Variants in GLB1 observed in about 807,000 individuals in gnomAD.
The protein encoded by GLB1 is galactosidase beta 1, also known as beta-galactosidase.
Under a neutral mutation model 74.0 loss-of-function variants are expected in GLB1, and 56 were observed. The observed-to-expected ratio is 0.76, with a 90% CI of 0.61 to 0.94. The LOEUF (loss-of-function observed/expected upper bound fraction) is 0.94. Ranked by LOEUF, GLB1 falls within the 40% of genes least tolerant of loss-of-function variation. The pLI is 0.00. For missense variants in GLB1, 787 were observed against 845.5 expected (o/e 0.93, Z 0.86); for synonymous variants, 323 against 323.6 (o/e 1.00, Z 0.02).
chr3:33,033,311 C>G (rs1372967328), intron 10 of GLB1, among the ~76,000 whole-genome samples: 4 of 152,170 alleles, frequency 2.6e-5, no homozygotes, highest in African/African-American at 9.7e-5. Context: ...ATTTTGATTA[C>G]AATCTTAAAC....
chr3:32,992,948 A>C (rs1696248437), downstream of GLB1, among the ~76,000 whole-genome samples: 1 of 152,256 alleles, frequency 6.6e-6, no homozygotes, highest in Non-Finnish European at 1.5e-5. Flanking sequence ...GCCAAAACCC[A>C]GAAACCACCT....
At chr3:33,032,077 C>T (rs995073330) in intron 10 of GLB1, among the ~76,000 whole-genome samples, 1 of 152,128 alleles carries the variant, frequency 6.6e-6, no homozygotes, top group African/African-American at 2.4e-5. Flanking sequence ...GGATTACACA[C>T]GTGAGCCACT....
chr3:33,056,217 A>C, intron 6 of GLB1, among the ~76,000 whole-genome samples: 1 of 133,310 alleles, frequency 7.5e-6, no homozygotes, highest in Admixed American at 8.0e-5. Flanking sequence ...ACAAGAGCGA[A>C]ACTCCACCTC....
chr3:32,991,669 T>C (rs1287362447), downstream of GLB1, among the ~76,000 whole-genome samples: 1 of 152,248 alleles, frequency 6.6e-6, no homozygotes, highest in Non-Finnish European at 1.5e-5. Flanking sequence ...AGAACCCAGC[T>C]ACTGTGTTAT....
chr3:32,994,337 G>A (rs187446928), downstream of GLB1, among the ~76,000 whole-genome samples: 83 of 152,274 alleles, frequency 5.5e-4, no homozygotes, highest in East Asian at 2.1e-3. Context: ...TTGTGAGGCC[G>A]GGCACGGTGG....
intron 1 of GLB1, chr3:33,092,786 G>A (rs377398538): frequency 1.9e-4 from 289 of 1,536,112 alleles, no homozygotes; most frequent in Non-Finnish European, 2.0e-4. Context: ...AAGCAGGATG[G>A]AGGGTCGAGG....
the GLB1 span, among the ~76,000 whole-genome samples, chr3:32,965,610 G>A: frequency 6.6e-6 from 1 of 152,076 alleles, no homozygotes; most frequent in African/African-American, 2.4e-5. Context: ...AGAACTCCAA[G>A]CCTGCTGCAG....
chr3:33,037,651 A>T (rs1698333412), intron 10 of GLB1, among the ~76,000 whole-genome samples: 1 of 152,142 alleles, frequency 6.6e-6, no homozygotes. Flanking sequence ...GACACCACAT[A>T]AAAACTAATA....
intron 1 of GLB1, among the ~76,000 whole-genome samples, chr3:33,086,149 G>T (rs1192584660): frequency 6.6e-6 from 1 of 152,074 alleles, no homozygotes; most frequent in Non-Finnish European, 1.5e-5. Flanking sequence ...ATTAAAAGAT[G>T]TAACACTTTG....
At chr3:33,030,684 C>T (rs1196869589) in intron 10 of GLB1, 1 of 985,292 alleles carries the variant, frequency 1.0e-6, no homozygotes, top group Non-Finnish European at 1.2e-6. Context: ...CTTCACCACT[C>T]AGCCCAGTTA....
At chr3:32,984,369 C>T in the GLB1 span, among the ~76,000 whole-genome samples, 3 of 152,124 alleles carry the variant, frequency 2.0e-5, no homozygotes, top group East Asian at 3.9e-4. Context: ...CAAGTGCATC[C>T]CCCAGCTAGA....
the GLB1 span, among the ~76,000 whole-genome samples, chr3:32,976,449 G>C: frequency 3.3e-5 from 5 of 152,204 alleles, no homozygotes; most frequent in African/African-American, 1.2e-4. Context: ...GTCTGCCCTT[G>C]CACTGTGATG....
chr3:33,090,345 C>A (rs1216826471), intron 1 of GLB1: 1 of 956,186 alleles, frequency 1.0e-6, no homozygotes, highest in East Asian at 1.2e-4. Context: ...CTTGTTAAAG[C>A]TGGGAGAGAG....
intron 1 of GLB1, among the ~76,000 whole-genome samples, chr3:33,083,651 A>T (rs928709433): frequency 6.6e-6 from 1 of 152,194 alleles, no homozygotes; most frequent in Non-Finnish European, 1.5e-5. Flanking sequence ...ACTTATAAAA[A>T]GCAATTCCGA....
intron 10 of GLB1, among the ~76,000 whole-genome samples, chr3:33,041,372 C>T (rs899748042): frequency 6.6e-6 from 1 of 152,030 alleles, no homozygotes; most frequent in African/African-American, 2.4e-5. Context: ...AGAAAAACTA[C>T]AATTTGAGGC....
At chr3:33,032,855 T>C (rs1698110028) in intron 10 of GLB1, among the ~76,000 whole-genome samples, 1 of 152,340 alleles carries the variant, frequency 6.6e-6, no homozygotes, top group Middle Eastern at 3.4e-3. Context: ...GTTCATAGTG[T>C]CATATGTTTT....
At chr3:33,038,915 CTT>C (rs770515991) in intron 10 of GLB1, among the ~76,000 whole-genome samples, 4 of 152,120 alleles carry the variant, frequency 2.6e-5, no homozygotes, top group Non-Finnish European at 5.9e-5. Context: ...CAAATTATCT[CTT>C]TCTTTTTTGT....
chr3:33,013,147 C>T (rs745307671), intron 15 of GLB1, among the ~76,000 whole-genome samples: 1 of 152,216 alleles, frequency 6.6e-6, no homozygotes, highest in South Asian at 2.1e-4. Flanking sequence ...TTTGCACAAG[C>T]TGTTACCTCT....
At chr3:33,088,052 A>G (rs1207757549) in intron 1 of GLB1, among the ~76,000 whole-genome samples, 1 of 152,170 alleles carries the variant, frequency 6.6e-6, no homozygotes. Flanking sequence ...GACAAGATTC[A>G]ACACCCTTTC....
Sources: allele counts gnomAD v4.1 joint callset (sites outside exome capture counted in the v4.1 genomes callset), GRCh38; gene constraint gnomAD v4.1.1; transcripts MANE v1.5; gene names NCBI Gene and HGNC (gene_info 2026-07-23, HGNC 2026-07-21).